Variants in FRMD8 observed in about 807,000 individuals in gnomAD.
FRMD8 encodes the protein FERM domain-containing protein 8.
Under a neutral mutation model 54.2 loss-of-function variants are expected in FRMD8, and 37 were observed. The ratio of observed to expected loss-of-function variants is 0.68; its 90% CI spans 0.53 to 0.90. The LOEUF is 0.90. Ranked by LOEUF, FRMD8 falls within the 40% of genes least tolerant of loss-of-function variation. The pLI is 0.00. For missense variants in FRMD8, 585 were observed against 653.7 expected (o/e 0.89, Z 1.15); for synonymous variants, 246 against 286.9 (o/e 0.86, Z 1.44).
intron 2 of FRMD8, 105 bp downstream of exon 2, chr11:65,387,226 A>C: frequency 1.0e-6 from 1 of 955,060 alleles, no homozygotes; most frequent in Non-Finnish European, 1.7e-6. Flanking sequence ...TTATGTATCG[A>C]CTAAGAAATA....
At chr11:65,381,809 G>T, upstream of FRMD8, 2 of 1,419,842 alleles carry the variant, frequency 1.4e-6, no homozygotes, top group South Asian at 1.1e-5. Context: ...CCTCCCGCCA[G>T]GCCGGAACTC....
upstream of FRMD8, chr11:65,382,530 T>A (rs1565588246): frequency 6.5e-6 from 1 of 154,874 alleles, no homozygotes; most frequent in Non-Finnish European, 1.4e-5. The surrounding 1 kb of genome is among the most constrained non-coding windows in gnomAD (Gnocchi z 4.4). Flanking sequence ...CTCCCCCGAC[T>A]CCCCCGTGTG....
At chr11:65,384,164 G>A (rs550578317), upstream of FRMD8, among the ~76,000 whole-genome samples, 1 of 152,168 alleles carries the variant, frequency 6.6e-6, no homozygotes, top group South Asian at 2.1e-4. Context: ...ACCTAAGCAT[G>A]GCGTCATCTT....
Position 65,399,848 on chromosome 11 carries a change from A to G in FRMD8, c.916A>G (p.Ser306Gly), listed in dbSNP as rs1294139373. The change falls in exon 8 of 11, where the codon AGC (serine) becomes GGC (glycine). Residue 306 changes from serine to glycine, a missense_variant. Coordinates refer to ENST00000317568, the MANE Select transcript of FRMD8 (RefSeq NM_031904.5). ...ISLEGVHVIDSREKHVLLGLR... is the reference protein window; with the variant it reads ...ISLEGVHVIDGREKHVLLGLR... ...TCTGGAAGGCGTGCACGTCATCGATAGCAGAGAGAAGGTACTGCCCCCAGC... is the reference window on the plus strand; with the variant it reads ...TCTGGAAGGCGTGCACGTCATCGATGGCAGAGAGAAGGTACTGCCCCCAGC... The G allele has an allele frequency of 6.2e-7, 1 of 1,613,356 alleles. No homozygotes were observed. Among genetic ancestry groups the G allele is most frequent in the South Asian group, 1.1e-5 (1 of 90,968 alleles).
the FRMD8 span, among the ~76,000 whole-genome samples, chr11:65,372,039 G>T: frequency 6.6e-6 from 1 of 152,042 alleles, no homozygotes; most frequent in Non-Finnish European, 1.5e-5. Flanking sequence ...AGCCTCCTTA[G>T]TAGTTGGGAT....
At chr11:65,368,958 G>T in the FRMD8 span, among the ~76,000 whole-genome samples, 2 of 152,136 alleles carry the variant, frequency 1.3e-5, no homozygotes, top group African/African-American at 4.8e-5. Context: ...AGGGTTACAC[G>T]AATGAGAGTG....
chr11:65,393,522 C>A, intron 3 of FRMD8, 51 bp from the exon 4 acceptor site: 1 of 1,383,600 alleles, frequency 7.2e-7, no homozygotes. Flanking sequence ...GGAAGGGCAG[C>A]CACTGGACTG....
rs148913902 is a variant in FRMD8 at position 65,392,384 on chromosome 11, G to A, written c.254-1189G>A. Among the ~76,000 whole-genome samples, 16 of 152,366 alleles carry A rather than the reference G, an allele frequency of 1.1e-4. No homozygotes were observed. In the East Asian group the frequency reaches 3.1e-3, roughly 29 times the overall value. The stretch of plus-strand genomic sequence containing the variant: ...GGGGACTGCCTAAGGGTAGAGCAGG[G>A]AGATGTGGATCAGGCAGCGCTCGGG... On this transcript the variant is annotated intron_variant, in intron 3 of 10. Coordinates refer to ENST00000317568, the MANE Select transcript of FRMD8 (RefSeq NM_031904.5).
the FRMD8 span, chr11:65,376,094 A>ATT: frequency 4.0e-6 from 1 of 248,374 alleles, no homozygotes; most frequent in Non-Finnish European, 7.6e-6. Flanking sequence ...AAAAAAAAAG[A>ATT]GGTGAAGGCA....
chr11:65,401,062 G>T (rs1012638344), intron 9 of FRMD8, among the ~76,000 whole-genome samples, 195 bp downstream of exon 9: 1 of 152,116 alleles, frequency 6.6e-6, no homozygotes, highest in Admixed American at 6.5e-5. Context: ...AGGAGGCCTG[G>T]TCTGCAGACT....
At chr11:65,403,240 T>A (rs1261558060) in intron 9 of FRMD8, among the ~76,000 whole-genome samples, 2 of 152,082 alleles carry the variant, frequency 1.3e-5, no homozygotes, top group Non-Finnish European at 2.9e-5. Flanking sequence ...TGGAGTGCAA[T>A]GGCGCGATTT....
At position 65,404,451 on chromosome 11, in the gene FRMD8, G is replaced by C. The variant is rs1424260106; in HGVS notation, c.1072-413G>C. On this transcript the variant is annotated intron_variant, in intron 9 of 10. Transcript: ENST00000317568. This position sits in a 1 kb window ranked among gnomAD's most constrained non-coding sequence, Gnocchi z 4.7. The stretch of plus-strand genomic sequence containing the variant: ...GCAGGGAGCCGCCCGCCCCTGCCCT[G>C]GTGACATCGCGCCCCTTCCTCCTGG... Among the ~76,000 whole-genome samples, 1 of 151,850 alleles carries C rather than the reference G, an allele frequency of 6.6e-6. No individual in the cohort carries two copies. Among genetic ancestry groups the C allele is most frequent in the Non-Finnish European group, 1.5e-5 (1 of 67,930 alleles).
chr11:65,411,220 G>A (rs1856322130), intron 10 of FRMD8, 22 bp from the exon 11 acceptor site: 1 of 1,588,402 alleles, frequency 6.3e-7, no homozygotes, highest in Non-Finnish European at 8.6e-7. Context: ...TCTGCTCAGT[G>A]TGCCCTCCCA....
At chr11:65,388,379 A>G (rs1044337010) in intron 2 of FRMD8, among the ~76,000 whole-genome samples, 1 of 152,158 alleles carries the variant, frequency 6.6e-6, no homozygotes, top group Non-Finnish European at 1.5e-5. Flanking sequence ...CTGGAGCATA[A>G]CAGACTGGGG....
Position 65,411,520 on chromosome 11 carries a change from G to A in FRMD8, c.*160G>A. 1 of 533,246 alleles carries A rather than the reference G, an allele frequency of 1.9e-6. No individual in the cohort carries two copies. The highest frequency in any genetic ancestry group is 3.3e-6 in the Non-Finnish European group (1 of 301,162). 33.0% of individuals were successfully genotyped at this position (533,246 alleles called of 1,614,324 possible). A position where few individuals can be genotyped will look rare whatever the true frequency, so the allele number is the denominator to read the frequency against. The stretch of plus-strand genomic sequence containing the variant: ...ACGGAGAAGTGACTTTTGGGCCCGG[G>A]GCCATGCCCGGGCTGTGCAAAGCTG... On this transcript the variant is annotated 3_prime_UTR_variant, in exon 11 of 11. Transcript: ENST00000317568.
At chr11:65,393,699 T>G in intron 4 of FRMD8, 25 bp downstream of exon 4, 1 of 1,566,442 alleles carries the variant, frequency 6.4e-7, no homozygotes, top group Non-Finnish European at 8.7e-7. Flanking sequence ...CTGTCTGTCC[T>G]TGCCTCGGGA....
At position 65,411,503 on chromosome 11, in the gene FRMD8, G is replaced by A. The variant is rs961645883; in HGVS notation, c.*143G>A. 1.8e-6 allele frequency: 1 copy of A among 565,992 alleles called. No homozygotes were observed. The allele number at this position is 565,992 out of a possible 1,614,324, so 35.1% of individuals were successfully genotyped here. On this transcript the variant is annotated 3_prime_UTR_variant, in exon 11 of 11. Transcript: ENST00000317568. ...AGCAGGTTTCTCAGACCACGGAGAAGTGACTTTTGGGCCCGGGGCCATGCC... is the reference window on the plus strand; with the variant it reads ...AGCAGGTTTCTCAGACCACGGAGAAATGACTTTTGGGCCCGGGGCCATGCC...
At chr11:65,368,069 G>GTTTTTTTTTTTT in the FRMD8 span, 1 of 38,026 alleles carries the variant, frequency 2.6e-5, no homozygotes, top group Non-Finnish European at 5.5e-5. Flanking sequence ...TTTTTTTGGT[G>GTTTTTTTTTTTT]TTTTTTTTTT....
intron 4 of FRMD8, 101 bp from the exon 5 acceptor site, chr11:65,393,940 C>T (rs1424460064): frequency 1.6e-6 from 2 of 1,285,428 alleles, no homozygotes; most frequent in African/African-American, 1.5e-5. Context: ...GTTTTCTCAG[C>T]CCTGGTGGGT....
Sources: gnomAD v4.1 joint callset for allele counts (sites outside exome capture counted in the v4.1 genomes callset) on GRCh38, gnomAD v4.1.1 for gene constraint, Gnocchi (gnomAD v3.1) non-coding constraint, MANE v1.5 for transcripts, NCBI Gene and HGNC (gene_info 2026-07-23, HGNC 2026-07-21) for gene names.